Variants in LVRN observed in about 807,000 individuals in gnomAD.
LVRN encodes laeverin, also known as aminopeptidase Q.
In LVRN, 99 loss-of-function variants were observed where a neutral mutation model predicts 111.4. The observed-to-expected ratio is 0.89, with a 90% CI of 0.76 to 1.05. The LOEUF is 1.05. Ranked by LOEUF, LVRN falls within the 50% of genes least tolerant of loss-of-function variation. The pLI is 0.00. For synonymous variants in LVRN, 488 were observed against 449.5 expected (o/e 1.09, Z -1.08); for missense variants, 1,414 against 1,206.8 (o/e 1.17, Z -2.54).
chr5:115,994,004 AT>A (rs556288979), intron 6 of LVRN, 150 bp downstream of exon 6: 5,019 of 474,698 alleles, frequency 0.011, 159 homozygotes, highest in African/African-American at 0.078. Context: ...GCTTTTTGAT[AT>A]TTTTTTTTAA....
intron 1 of LVRN, among the ~76,000 whole-genome samples, chr5:115,969,301 C>T (rs1753271086): frequency 1.3e-5 from 2 of 151,958 alleles, no homozygotes; most frequent in Non-Finnish European, 2.9e-5. Context: ...TTTTTCTCCT[C>T]TTCTCTGGGA....
chr5:115,999,942 G>C, intron 7 of LVRN, 40 bp downstream of exon 7: 1 of 1,569,710 alleles, frequency 6.4e-7, no homozygotes, highest in Non-Finnish European at 8.6e-7. Flanking sequence ...TTGTACTCTG[G>C]TAGAAAGTTG....
In LVRN at chr5:116,005,803, G is replaced by A. The variant is rs762622276; in HGVS notation, c.2038-109G>A. On this transcript the variant is annotated intron_variant, in intron 12 of 19. Transcript: ENST00000357872. Reference sequence around the variant, plus strand: ...TTTCTCTGCAGATGAGATAAGTCACGTGAAGGTGCTTTATAGGCAGCAGTA... The same window carrying A: ...TTTCTCTGCAGATGAGATAAGTCACATGAAGGTGCTTTATAGGCAGCAGTA... 27 of 848,692 alleles carry A rather than the reference G, an allele frequency of 3.2e-5. 1 individual carries two copies. Among genetic ancestry groups the A allele is most frequent in the Admixed American group, 9.0e-5 (5 of 55,258 alleles). The allele number at this position is 848,692 out of a possible 1,614,324, so 52.6% of individuals were successfully genotyped here.
intron 1 of LVRN, among the ~76,000 whole-genome samples, chr5:115,982,478 C>G (rs1363830302): frequency 6.6e-6 from 1 of 152,116 alleles, no homozygotes; most frequent in African/African-American, 2.4e-5. Context: ...CCCAGGTAAG[C>G]AAGTCTTGGC....
intron 7 of LVRN, 138 bp downstream of exon 7, chr5:116,000,040 T>G: frequency 1.0e-6 from 1 of 960,656 alleles, no homozygotes; most frequent in Non-Finnish European, 1.5e-6. Context: ...TACATAGGTA[T>G]CAGAAAACAT....
Position 116,026,018 on chromosome 5 carries a change from G to C in LVRN, c.2873G>C (p.Arg958Thr). 6.2e-7 allele frequency: 1 copy of C among 1,613,854 alleles called. No homozygotes were observed. Reference sequence around the variant, plus strand: ...AGTAACATGTTGGAGGAACACCAGAGGATCAGAGTTCATGCCAACTTACAG... The same window carrying C: ...AGTAACATGTTGGAGGAACACCAGACGATCAGAGTTCATGCCAACTTACAG... Reference protein sequence around the residue: ...FFSNMLEEHQRIRVHANLQTI... With the variant: ...FFSNMLEEHQTIRVHANLQTI... Residue 958 changes from arginine (R) to threonine (T), a missense_variant, in exon 20 of 20, where the codon AGG becomes ACG. Coordinates refer to ENST00000357872, the MANE Select transcript of LVRN (RefSeq NM_173800.5).
intron 18 of LVRN, chr5:116,020,034 C>A (rs1275897850): frequency 1.3e-5 from 2 of 152,320 alleles, no homozygotes; most frequent in Non-Finnish European, 2.9e-5. Context: ...TCCTTTCAGC[C>A]AGGCCCAGAA....
chr5:116,009,879 C>G (rs995515194), intron 13 of LVRN, among the ~76,000 whole-genome samples: 1 of 152,132 alleles, frequency 6.6e-6, no homozygotes, highest in Admixed American at 6.5e-5. Context: ...GAGAATATTA[C>G]GTATACTTAG....
At position 115,996,494 on chromosome 5, in the gene LVRN, A is replaced by G. The variant is rs181583308; in HGVS notation, c.1374+2640A>G. 4.2e-3 allele frequency among the ~76,000 whole-genome samples: 643 copies of G among 152,298 alleles called. 4 individuals carry two copies. The highest frequency in any genetic ancestry group is 0.01 in the Middle Eastern group (3 of 294). The stretch of plus-strand genomic sequence containing the variant: ...CACGTTCTTTGTTTTTAAAAAGCTT[A>G]AGCTCTCCTTTCAATGATTTTTGGA... On this transcript the variant is annotated intron_variant, in intron 6 of 19. Transcript: ENST00000357872.
chr5:116,020,741 G>A (rs139104257), intron 18 of LVRN, among the ~76,000 whole-genome samples: 138 of 152,260 alleles, frequency 9.1e-4, no homozygotes, highest in Middle Eastern at 6.8e-3. Context: ...TGCTGGCCTC[G>A]TGGGCATCCT....
intron 1 of LVRN, among the ~76,000 whole-genome samples, chr5:115,972,433 T>G (rs1753347313): frequency 6.6e-6 from 1 of 151,654 alleles, no homozygotes; most frequent in Admixed American, 6.6e-5. Flanking sequence ...TGATCTTGTA[T>G]GCTACAACTT....
At chr5:116,021,577 CT>C in intron 18 of LVRN, 1 of 309,706 alleles carries the variant, frequency 3.2e-6, no homozygotes, top group South Asian at 3.0e-5. Context: ...CCAGAGTTAA[CT>C]CTTATCATTT....
intron 5 of LVRN, among the ~76,000 whole-genome samples, chr5:115,993,342 C>T (rs759443501): frequency 3.2e-4 from 48 of 152,066 alleles, no homozygotes; most frequent in Non-Finnish European, 5.4e-4. Flanking sequence ...AAGTAAAATC[C>T]AGTTGCAGCC....
chr5:115,984,665 A>G lies in LVRN; in HGVS notation c.934A>G (p.Ile312Val). 6.2e-7 allele frequency: 1 copy of G among 1,613,670 alleles called. No homozygotes were observed. Among genetic ancestry groups the G allele is most frequent in the South Asian group, 1.1e-5 (1 of 91,068 alleles). ...HMPTYLVAFV[I>V]CDYDHVNRTE... ...GCCAACTTACTTAGTCGCATTTGTTATATGTGACTATGACCACGTCAACAG... is the reference window on the plus strand; with the variant it reads ...GCCAACTTACTTAGTCGCATTTGTTGTATGTGACTATGACCACGTCAACAG... The change falls in exon 3 of 20, where the codon ATA becomes GTA. Residue 312 changes from isoleucine (I) to valine (V), a missense_variant. Transcript: ENST00000357872.
At chr5:115,991,973 C>A in intron 4 of LVRN, 150 bp from the exon 5 acceptor site, 1 of 637,124 alleles carries the variant, frequency 1.6e-6, no homozygotes, top group Non-Finnish European at 2.6e-6. Context: ...TTGTCTTTGG[C>A]ATTAGTCTTT....
At position 116,015,861 on chromosome 5, in the gene LVRN, G is replaced by C. The variant is rs896709072; in HGVS notation, c.2756+96G>C. On this transcript the variant is annotated intron_variant, in intron 18 of 19. Coordinates refer to ENST00000357872, the MANE Select transcript of LVRN (RefSeq NM_173800.5). ...AGCTTGGAAGCTCAGCTTTAGTCTA[G>C]CTAGGCCACAAACGTCCTTTGCATT... The C allele has an allele frequency of 7.6e-6, 11 of 1,456,452 alleles. 1 individual carries two copies. Among genetic ancestry groups the C allele is most frequent in the East Asian group, 2.4e-5 (1 of 42,416 alleles). The allele number at this position is 1,456,452 out of a possible 1,614,324, so 90.2% of individuals were successfully genotyped here.
intron 1 of LVRN, among the ~76,000 whole-genome samples, chr5:115,968,263 C>G (rs1286748002): frequency 1.8e-5 from 1 of 54,294 alleles, no homozygotes; most frequent in East Asian, 5.1e-4. Flanking sequence ...AAGTTGTCTT[C>G]TATTCATATT....
At chr5:116,013,013 G>A (rs1421949439) in intron 15 of LVRN, among the ~76,000 whole-genome samples, 1 of 152,068 alleles carries the variant, frequency 6.6e-6, no homozygotes, top group Non-Finnish European at 1.5e-5. Flanking sequence ...GTCTAGGAAG[G>A]AGGCAAGAGG....
At position 115,999,966 on chromosome 5, in the gene LVRN, C is replaced by T. The variant is rs1748202758; in HGVS notation, c.1515+64C>T. ...GGTAGAAAGTTGCATAAAATGGATT[C>T]TAAGGGTCCTATATCATCATACAAC... On this transcript the variant is annotated intron_variant, in intron 7 of 19. Coordinates refer to ENST00000357872, the MANE Select transcript of LVRN (RefSeq NM_173800.5). 2.0e-6 allele frequency: 3 copies of T among 1,504,928 alleles called. No individual in the cohort carries two copies. The South Asian group carries it at 3.8e-5, about 19-fold the overall frequency. The allele number at this position is 1,504,928 out of a possible 1,614,324, so 93.2% of individuals were successfully genotyped here.
Sources: allele counts gnomAD v4.1 joint callset (sites outside exome capture counted in the v4.1 genomes callset), GRCh38; gene constraint gnomAD v4.1.1; transcripts MANE v1.5; gene names NCBI Gene and HGNC (gene_info 2026-07-23, HGNC 2026-07-21).